Variants in VEPH1 observed in about 807,000 individuals in gnomAD.
The protein encoded by VEPH1 is ventricular zone-expressed PH domain-containing protein homolog 1.
In VEPH1, 80 loss-of-function variants were observed where a neutral mutation model predicts 85.2. The observed-to-expected ratio is 0.94, with a 90% confidence interval of 0.78 to 1.13. The LOEUF is 1.13. Among genes scored for constraint, VEPH1 ranks in the 50% most tolerant of loss-of-function variants. The pLI is 0.00. For missense variants in VEPH1, 955 were observed against 980.5 expected, an observed-to-expected ratio of 0.97 and a Z score of 0.35; for synonymous variants, 297 against 348.0, an observed-to-expected ratio of 0.85 and a Z score of 1.63.
chr3:157,451,520 T>G (rs1041080769), intron 4 of VEPH1, among the ~76,000 whole-genome samples: 1 of 152,142 alleles, frequency 6.6e-6, no homozygotes, highest in African/African-American at 2.4e-5. Flanking sequence ...TAATAAGAGG[T>G]AGCAAAAATT....
chr3:157,433,126 T>C (rs1733294486), intron 4 of VEPH1, among the ~76,000 whole-genome samples: 1 of 152,166 alleles, frequency 6.6e-6, no homozygotes, highest in East Asian at 1.9e-4. Context: ...TTGAGTCTCT[T>C]AGATTTTTCT....
At chr3:157,349,797 C>T (rs747212877) in intron 9 of VEPH1, among the ~76,000 whole-genome samples, 2 of 152,112 alleles carry the variant, frequency 1.3e-5, no homozygotes, top group Non-Finnish European at 2.9e-5. Flanking sequence ...ACCACCACCA[C>T]CTACGAATCA....
intron 9 of VEPH1, among the ~76,000 whole-genome samples, chr3:157,362,073 C>T (rs909662371): frequency 6.6e-6 from 1 of 151,892 alleles, no homozygotes; most frequent in African/African-American, 2.4e-5. Flanking sequence ...CTCAATTGCC[C>T]AGGCTGGAGT....
chr3:157,330,502 T>C (rs1335569763), intron 9 of VEPH1, among the ~76,000 whole-genome samples: 1 of 152,178 alleles, frequency 6.6e-6, no homozygotes, highest in Non-Finnish European at 1.5e-5. Context: ...GATTGTTCTG[T>C]ATGAAAAAAC....
In VEPH1 at chr3:157,450,048, C is replaced by CTTTTTTTTTTTTTTTTTTTTT. The variant is rs761761440; in HGVS notation, c.529+10112_529+10132dup. 2.6e-5 allele frequency among the ~76,000 whole-genome samples: 2 copies of CTTTTTTTTTTTTTTTTTTTTT among 77,324 alleles called. 1 individual carries two copies. The highest frequency in any genetic ancestry group is 9.6e-5 in the African/African-American group (2 of 20,922). The allele number at this position is 77,324 out of a possible 152,430, so 50.7% of individuals were successfully genotyped here. A position where few individuals can be genotyped will look rare whatever the true frequency, so the allele number is the denominator to read the frequency against. On this transcript the variant is annotated intron_variant, in intron 4 of 13. Coordinates refer to ENST00000362010, the MANE Select transcript of VEPH1 (RefSeq NM_001167912.2). ...CTTAAAATTGACTGGAGAATATTTACTTTTTTTTTTTTTTTTTTTTTTTTT... is the reference window on the plus strand; with the variant it reads ...CTTAAAATTGACTGGAGAATATTTACTTTTTTTTTTTTTTTTTTTTTTTTTTTTTTTTTTTTTTTTTTTTTT...
At chr3:157,269,862 A>G (rs1159252487) in intron 12 of VEPH1, among the ~76,000 whole-genome samples, 1 of 152,132 alleles carries the variant, frequency 6.6e-6, no homozygotes, top group Non-Finnish European at 1.5e-5. Context: ...ATCATGTATC[A>G]TCTAAAATAA....
At chr3:157,272,415 C>CTTTCTTTCTTTT (rs1714802028) in intron 12 of VEPH1, among the ~76,000 whole-genome samples, 3 of 132,974 alleles carry the variant, frequency 2.3e-5, no homozygotes, top group Non-Finnish European at 4.9e-5. Flanking sequence ...TTCTTTCTTT[C>CTTTCTTTCTTTT]TTTCTTTCTT....
At chr3:157,305,413 A>G (rs1719412235) in intron 11 of VEPH1, among the ~76,000 whole-genome samples, 1 of 152,158 alleles carries the variant, frequency 6.6e-6, no homozygotes, top group African/African-American at 2.4e-5. Context: ...CCCGGCCTCT[A>G]TCTGTCTTAA....
intron 6 of VEPH1, among the ~76,000 whole-genome samples, chr3:157,391,307 A>C (rs1371723193): frequency 2.0e-5 from 3 of 152,244 alleles, no homozygotes; most frequent in Admixed American, 6.5e-5. Context: ...CATGAGAGGC[A>C]GAGAGCCTCC....
At chr3:157,340,156 G>A (rs1259502411) in intron 9 of VEPH1, among the ~76,000 whole-genome samples, 2 of 152,246 alleles carry the variant, frequency 1.3e-5, no homozygotes, top group South Asian at 4.2e-4. Flanking sequence ...ATCTCACTGG[G>A]GCTTGTCAGA....
chr3:157,446,647 C>T (rs991200836), intron 4 of VEPH1, among the ~76,000 whole-genome samples: 5 of 152,164 alleles, frequency 3.3e-5, no homozygotes, highest in African/African-American at 1.2e-4. Context: ...TTTACTAAGG[C>T]CAAATGTTTC....
At chr3:157,346,402 A>T (rs1194860699) in intron 9 of VEPH1, among the ~76,000 whole-genome samples, 1 of 152,210 alleles carries the variant, frequency 6.6e-6, no homozygotes, top group African/African-American at 2.4e-5. Context: ...AGTAATGCTT[A>T]ACTAAAAGCA....
chr3:157,452,008 G>C (rs2109310666), intron 4 of VEPH1, among the ~76,000 whole-genome samples: 1 of 152,218 alleles, frequency 6.6e-6, no homozygotes, highest in Admixed American at 6.5e-5. Context: ...AATATACTAA[G>C]ACAATTTATA....
chr3:157,496,670 A>G (rs1464687561), intron 1 of VEPH1, among the ~76,000 whole-genome samples: 1 of 152,242 alleles, frequency 6.6e-6, no homozygotes, highest in Non-Finnish European at 1.5e-5. Context: ...GGGTAGTCTC[A>G]GACCTCTCCT....
rs76541862 is a variant in VEPH1, at chr3:157,298,428, C to G, written c.2011-11754G>C. ...ACTACCAGGATAACTTGTCAAAGAT[C>G]TAGAGTCACAGGATTACCCAGTGAA... On this transcript the variant is annotated intron_variant, in intron 11 of 13. Transcript: ENST00000362010. Among the ~76,000 whole-genome samples, 1,223 of 152,266 alleles carry G rather than the reference C, an allele frequency of 8.0e-3. 28 individuals carry two copies. The highest frequency in any genetic ancestry group is 0.027 in the African/African-American group (1,132 of 41,558).
At chr3:157,386,038 C>T (rs1476155058) in intron 6 of VEPH1, among the ~76,000 whole-genome samples, 1 of 152,006 alleles carries the variant, frequency 6.6e-6, no homozygotes, top group Non-Finnish European at 1.5e-5. Context: ...GGGAAACTTT[C>T]AAGTTCACAG....
chr3:157,395,872 C>T (rs537946549), intron 6 of VEPH1, among the ~76,000 whole-genome samples: 2 of 152,178 alleles, frequency 1.3e-5, no homozygotes, highest in Admixed American at 6.5e-5. Flanking sequence ...CCCACCCTCC[C>T]GCCTCAAGTA....
intron 11 of VEPH1, among the ~76,000 whole-genome samples, chr3:157,292,291 T>C (rs1717574304): frequency 6.6e-6 from 1 of 152,202 alleles, no homozygotes; most frequent in Non-Finnish European, 1.5e-5. Context: ...AAATTAATCC[T>C]ATGTCTTTCA....
At chr3:157,322,467 G>A (rs976327613) in intron 9 of VEPH1, among the ~76,000 whole-genome samples, 2 of 152,084 alleles carry the variant, frequency 1.3e-5, no homozygotes, top group Non-Finnish European at 2.9e-5. Context: ...ATTCTTTTTG[G>A]TATATACAAA....
Sources: allele counts gnomAD v4.1 joint callset (sites outside exome capture counted in the v4.1 genomes callset), GRCh38; gene constraint gnomAD v4.1.1; transcripts MANE v1.5; gene names NCBI Gene and HGNC (gene_info 2026-07-23, HGNC 2026-07-21).